Variants in SCUBE2 observed in about 807,000 individuals in gnomAD.
SCUBE2 encodes the protein signal peptide, CUB domain and EGF like domain containing 2.
SCUBE2 carries 114 observed loss-of-function variants against 125.9 expected under a neutral mutation model. The ratio of observed to expected loss-of-function variants is 0.91; its 90% CI spans 0.78 to 1.06. SCUBE2 has a LOEUF of 1.06. Among genes scored for constraint, SCUBE2 ranks in the 50% least tolerant of loss-of-function variants. The probability of loss-of-function intolerance (pLI) is 0.00; values close to 1 mark genes in which losing one functional copy is unlikely to be tolerated. For synonymous variants in SCUBE2, 459 were observed against 492.9 expected (o/e 0.93, Z 0.91); for missense variants, 1,255 against 1,301.8 (o/e 0.96, Z 0.55).
In SCUBE2 at chr11:9,053,048, G is replaced by A. The variant is rs768590149; in HGVS notation, c.1447+51C>T. On this transcript the variant is annotated intron_variant, in intron 12 of 22. Coordinates refer to ENST00000649792, the MANE Select transcript of SCUBE2 (RefSeq NM_001367977.2). Reference sequence around the variant, plus strand: ...GGGAATCTAACACCTGGAGGCCAGAGAGGCCTGGCCCCAGTGTGAGGACCT... The same window carrying A: ...GGGAATCTAACACCTGGAGGCCAGAAAGGCCTGGCCCCAGTGTGAGGACCT... 5 of 1,462,558 alleles carry A rather than the reference G, an allele frequency of 3.4e-6. No individual in the cohort carries two copies. In the African/African-American group the frequency reaches 7.0e-5, roughly 20 times the overall value. The allele number at this position is 1,462,558 out of a possible 1,614,324, so 90.6% of individuals were successfully genotyped here.
rs1855261712 is a variant in SCUBE2, at chr11:9,021,146, A to C, written c.2986T>G (p.Tyr996Asp). ...GACTCCTGGGCTGTGTACTTGAAAT[A>C]GTTCTGGGGATGGGCCAGGACATCA... ...LFDVLAHPQN[Y>D]FKYTAQESRE... Residue 996 changes from tyrosine (Y) to aspartate (D), a missense_variant, in exon 23 of 23, where the codon TAT becomes GAT. Physicochemically the swap from Tyr to Asp is radical, Grantham distance 160. This residue lies in a region of SCUBE2 where 515 missense variants were observed against 515.7 expected (regional missense o/e 1.00). Transcript: ENST00000649792. 6.2e-7 allele frequency: 1 copy of C among 1,612,918 alleles called. No homozygotes were observed. The highest frequency in any genetic ancestry group is 8.5e-7 in the Non-Finnish European group (1 of 1,179,416).
chr11:9,066,806 A>G lies in SCUBE2; in HGVS notation c.651T>C (p.Cys217=), dbSNP rs1302863536. The change falls in exon 6 of 23, where the codon TGT becomes TGC. Residue 217 remains cysteine, a synonymous_variant. Coordinates refer to ENST00000649792, the MANE Select transcript of SCUBE2 (RefSeq NM_001367977.2). ...AKNQRDCILT[C]NHGNGGCQHS... Reference sequence around the variant, plus strand: ...GCTGGCACCCACCGTTCCCATGGTTACAGGTCACTGACAGCAAAATGAATC... The same window carrying G: ...GCTGGCACCCACCGTTCCCATGGTTGCAGGTCACTGACAGCAAAATGAATC... The G allele has an allele frequency of 6.2e-7, 1 of 1,613,864 alleles. No homozygotes were observed. Among genetic ancestry groups the G allele is most frequent in the East Asian group, 2.2e-5 (1 of 44,874 alleles).
At position 9,059,346 on chromosome 11, in the gene SCUBE2, G is replaced by A. The variant is rs1481689731; in HGVS notation, c.1047C>T (p.Cys349=). ...KNIVGSFDCG[C]KKGFKLLTDE... ...CTGTTAATAATTTAAATCCTTTCTT[G>A]CAGCCGCAGTCAAAACTGCCCACGA... Residue 349 remains cysteine (C), a synonymous_variant, in exon 9 of 23, where the codon TGC becomes TGT. Transcript: ENST00000649792. 5.0e-6 allele frequency: 8 copies of A among 1,614,034 alleles called. No individual in the cohort carries two copies. The highest frequency in any genetic ancestry group is 6.8e-6 in the Non-Finnish European group (8 of 1,180,030).
intron 19 of SCUBE2, among the ~76,000 whole-genome samples, chr11:9,029,169 A>G (rs550179503): frequency 6.6e-6 from 1 of 151,224 alleles, no homozygotes; most frequent in African/African-American, 2.4e-5. Flanking sequence ...TAGTGGCTTT[A>G]AAAAAAAAGC....
intron 19 of SCUBE2, among the ~76,000 whole-genome samples, chr11:9,028,881 T>A (rs1482340853): frequency 2.6e-5 from 4 of 152,148 alleles, no homozygotes; most frequent in Non-Finnish European, 4.4e-5. Context: ...CAAGCTAGGA[T>A]ATCATGAGGT....
rs1482278403 is a variant in SCUBE2, at chr11:9,053,740, G to A, written c.1227C>T (p.Ile409=). 1 of 1,613,950 alleles carries A rather than the reference G, an allele frequency of 6.2e-7. No individual in the cohort carries two copies. Among genetic ancestry groups the A allele is most frequent in the African/African-American group, 1.3e-5 (1 of 75,072 alleles). ...AGACCTGCTGACAGCCTCCGTTGTT[G>A]ATGCTGCACTCATTGGTGTCTGTGG... is the stretch of plus-strand genomic sequence containing the variant. ...THCGDTNECS[I]NNGGCQQVCV... Residue 409 remains isoleucine (I), a synonymous_variant, in exon 11 of 23, where the codon ATC becomes ATT. Transcript: ENST00000649792.
rs1491160291 is a variant in SCUBE2 at position 9,054,699 on chromosome 11, G to GTATATATA, written c.1208-941_1208-940insTATATATA. Among the ~76,000 whole-genome samples, 155 of 44,694 alleles carry GTATATATA rather than the reference G, an allele frequency of 3.5e-3. 21 individuals are homozygous for GTATATATA. Among genetic ancestry groups the GTATATATA allele is most frequent in the South Asian group, 0.022 (18 of 800 alleles). The allele number at this position is 44,694 out of a possible 152,430, so 29.3% of individuals were successfully genotyped here. On this transcript the variant is annotated intron_variant, in intron 10 of 22. Coordinates refer to ENST00000649792, the MANE Select transcript of SCUBE2 (RefSeq NM_001367977.2). ...GATAACTGTCAGTAGCAAAGCACTA[G>GTATATATA]TGTATATATATATATATATATATAT...
rs1225498129 is a variant in SCUBE2, at chr11:9,027,090, C to T, written c.2701+274G>A. On this transcript the variant is annotated intron_variant, in intron 20 of 22. Transcript: ENST00000649792. ...CAACACTGCATGATCCTCACTGGCT[C>T]TCTGGGTCCTTGTGGAAGAGGGTCC... 7 of 470,998 alleles carry T rather than the reference C, an allele frequency of 1.5e-5. No homozygotes were observed. The Admixed American group carries it at 2.4e-4, about 16-fold the overall frequency. 29.2% of individuals were successfully genotyped at this position (470,998 alleles called of 1,614,324 possible).
At chr11:9,053,798 A>G in intron 10 of SCUBE2, 39 bp from the exon 11 acceptor site, 1 of 1,599,722 alleles carries the variant, frequency 6.3e-7, no homozygotes, top group Non-Finnish European at 8.5e-7. Flanking sequence ...GCAGCCTGTC[A>G]CTGAATGGGC....
Position 9,091,382 on chromosome 11 carries a change from G to T in SCUBE2, c.133+14C>A. The T allele has an allele frequency of 1.5e-6, 2 of 1,305,926 alleles. No homozygotes were observed. The highest frequency in any genetic ancestry group is 3.6e-5 in the Admixed American group (1 of 28,122). The allele number at this position is 1,305,926 out of a possible 1,614,324, so 80.9% of individuals were successfully genotyped here. On this transcript the variant is annotated intron_variant, in intron 1 of 22. Coordinates refer to ENST00000649792, the MANE Select transcript of SCUBE2 (RefSeq NM_001367977.2). This position sits in a 1 kb window ranked among gnomAD's most constrained non-coding sequence, Gnocchi z 8.5. Reference sequence around the variant, plus strand: ...CCTGCTGTGCCAGGTGCGCCCCCGCGGCCGGACACTCACCCTCCTGCGGCC... The same window carrying T: ...CCTGCTGTGCCAGGTGCGCCCCCGCTGCCGGACACTCACCCTCCTGCGGCC...
chr11:9,033,068 C>G (rs1413012282), intron 17 of SCUBE2, among the ~76,000 whole-genome samples: 1 of 152,088 alleles, frequency 6.6e-6, no homozygotes, highest in Admixed American at 6.6e-5. Context: ...ACAGCCAGCC[C>G]TTCTCCCATT....
chr11:9,057,412 A>G (rs938737155), intron 9 of SCUBE2: 1 of 152,224 alleles, frequency 6.6e-6, no homozygotes, highest in African/African-American at 2.4e-5. Flanking sequence ...ACAAACCAAG[A>G]GAAAAACAAA....
rs367812287 is a variant in SCUBE2 at position 9,053,733 on chromosome 11, C to T, written c.1234G>A (p.Gly412Arg). ...GDTNECSINN[G>R]GCQQVCVNTV... The stretch of plus-strand genomic sequence containing the variant: ...TTCACACAGACCTGCTGACAGCCTC[C>T]GTTGTTGATGCTGCACTCATTGGTG... The change falls in exon 11 of 23, where the codon GGA becomes AGA. Residue 412 changes from glycine to arginine, a missense_variant. Transcript: ENST00000649792. 8.7e-6 allele frequency: 14 copies of T among 1,614,008 alleles called. No individual in the cohort carries two copies. Among genetic ancestry groups the T allele is most frequent in the South Asian group, 2.2e-5 (2 of 91,082 alleles).
chr11:9,080,106 T>A (rs1212461774), intron 2 of SCUBE2, among the ~76,000 whole-genome samples: 1 of 152,192 alleles, frequency 6.6e-6, no homozygotes, highest in Non-Finnish European at 1.5e-5. Flanking sequence ...TATAGATCAA[T>A]GGAACAGAAC....
chr11:9,063,318 A>G (rs1859868636), intron 7 of SCUBE2, among the ~76,000 whole-genome samples: 1 of 152,218 alleles, frequency 6.6e-6, no homozygotes. Flanking sequence ...AGGGACTTGA[A>G]TGTTCATATT....
chr11:9,076,553 GCCAGAGAAGAGAAACTT>G lies in SCUBE2; in HGVS notation c.383-1955_383-1939del. ...AGCAGGAGAGGATAGCATCACCCGA[GCCAGAGAAGAGAAACTT>G]CCAGAGAAGTTTCAGACAACAAAGG... is the stretch of plus-strand genomic sequence containing the variant. On this transcript the variant is annotated intron_variant, in intron 3 of 22. Coordinates refer to ENST00000649792, the MANE Select transcript of SCUBE2 (RefSeq NM_001367977.2). 2.0e-5 allele frequency among the ~76,000 whole-genome samples: 3 copies of G among 151,976 alleles called. No homozygotes were observed. The Middle Eastern group carries it at 0.01, about 520-fold the overall frequency.
intron 2 of SCUBE2, among the ~76,000 whole-genome samples, chr11:9,086,664 C>A (rs11608223): frequency 0.04 from 6,149 of 152,118 alleles, 184 homozygotes; most frequent in South Asian, 0.074. Flanking sequence ...ACCAGCCTGG[C>A]CAACATGGTG....
At chr11:9,042,858 C>T (rs530121846) in intron 16 of SCUBE2, among the ~76,000 whole-genome samples, 2 of 152,346 alleles carry the variant, frequency 1.3e-5, no homozygotes, top group East Asian at 3.9e-4. Context: ...TTAAATATTT[C>T]TCTAACCCAT....
At chr11:9,070,865 T>A (rs1174209762) in intron 4 of SCUBE2, among the ~76,000 whole-genome samples, 1 of 152,238 alleles carries the variant, frequency 6.6e-6, no homozygotes, top group Non-Finnish European at 1.5e-5. Context: ...CCTCTTGCTC[T>A]TTTGCCTGAC....
Sources: allele counts gnomAD v4.1 joint callset (sites outside exome capture counted in the v4.1 genomes callset), GRCh38; gene constraint gnomAD v4.1.1; regional missense constraint gnomAD v4.1.1; non-coding constraint Gnocchi (gnomAD v3.1); transcripts MANE v1.5; gene names NCBI Gene and HGNC (gene_info 2026-07-23, HGNC 2026-07-21).